The following SAMD3 variants were observed in gnomAD, a reference collection of about 807,000 sequenced individuals.
The protein encoded by SAMD3 is sterile alpha motif domain containing 3.
Under a neutral mutation model 58.5 loss-of-function variants are expected in SAMD3, and 63 were observed. The ratio of observed to expected loss-of-function variants is 1.08; its 90% CI spans 0.88 to 1.33. The LOEUF (loss-of-function observed/expected upper bound fraction) is 1.33, where lower values mean the gene tolerates loss of function less well. SAMD3 is among the 40% of genes most tolerant of loss of function. SAMD3 has a pLI of 0.00. For missense variants in SAMD3, 604 were observed against 608.4 expected (o/e 0.99, Z 0.08); for synonymous variants, 220 against 210.3 (o/e 1.05, Z -0.40).
At position 130,350,957 on chromosome 6, in the gene SAMD3, C is replaced by G. The variant is rs556751316; in HGVS notation, c.-304+14163G>C. On this transcript the variant is annotated intron_variant, in intron 1 of 13. Coordinates refer to the SAMD3 transcript ENST00000368134. ...ACCATCTGATCTTTGACAAACCCAT[C>G]AAAACCAAGCAATGGGGAAAGCATT... 9.5e-4 allele frequency among the ~76,000 whole-genome samples: 145 copies of G among 152,236 alleles called. 2 individuals carry two copies. In the South Asian group the frequency reaches 0.022, roughly 23 times the overall value.
intron 9 of SAMD3, among the ~76,000 whole-genome samples, chr6:130,153,011 A>T (rs1339107472): frequency 2.6e-5 from 4 of 152,198 alleles, no homozygotes; most frequent in African/African-American, 7.2e-5. Context: ...AGGCTACGAC[A>T]TTAGTGATCA....
At chr6:130,306,591 C>A (rs1218750539) in intron 2 of SAMD3, among the ~76,000 whole-genome samples, 1 of 152,212 alleles carries the variant, frequency 6.6e-6, no homozygotes, top group Non-Finnish European at 1.5e-5. Flanking sequence ...ATTCCACTAA[C>A]TGTCCAGTCT....
upstream of SAMD3, among the ~76,000 whole-genome samples, chr6:130,226,139 G>A (rs1159079642): frequency 2.6e-5 from 4 of 152,218 alleles, no homozygotes; most frequent in Non-Finnish European, 5.9e-5. Flanking sequence ...AGAGCCTGAT[G>A]GGCAGACTGG....
intron 4 of SAMD3, among the ~76,000 whole-genome samples, chr6:130,214,091 T>G (rs996118389): frequency 6.6e-6 from 1 of 152,196 alleles, no homozygotes; most frequent in African/African-American, 2.4e-5. Flanking sequence ...GCATTTTATA[T>G]AGAAACTCCT....
At chr6:130,327,109 TC>T (rs1261360787) in intron 1 of SAMD3, among the ~76,000 whole-genome samples, 1 of 152,200 alleles carries the variant, frequency 6.6e-6, no homozygotes, top group African/African-American at 2.4e-5. Context: ...TACCTTCCTT[TC>T]CTAGACTGTA....
At chr6:130,327,188 C>T (rs1006477898) in intron 1 of SAMD3, among the ~76,000 whole-genome samples, 1 of 151,938 alleles carries the variant, frequency 6.6e-6, no homozygotes, top group Non-Finnish European at 1.5e-5. Context: ...AGCTATAAAT[C>T]AATGAATTTT....
chr6:130,221,484 T>C (rs1352214497), intron 1 of SAMD3: 2 of 152,244 alleles, frequency 1.3e-5, no homozygotes, highest in East Asian at 3.8e-4. Flanking sequence ...TAGCCTACTA[T>C]TGATCAGAAT....
chr6:130,170,796 T>C (rs890282101), intron 8 of SAMD3, among the ~76,000 whole-genome samples: 1 of 152,214 alleles, frequency 6.6e-6, no homozygotes, highest in Non-Finnish European at 1.5e-5. Flanking sequence ...TGATTTTGTA[T>C]CCTGAGAATT....
intron 2 of SAMD3, among the ~76,000 whole-genome samples, chr6:130,296,144 G>A (rs1775563376): frequency 6.6e-6 from 1 of 152,172 alleles, no homozygotes; most frequent in Non-Finnish European, 1.5e-5. Context: ...ATGCCAAGAA[G>A]GTAAATGGGA....
At chr6:130,343,966 A>AAAAC (rs1554276942) in intron 1 of SAMD3, among the ~76,000 whole-genome samples, 2,230 of 145,626 alleles carry the variant, frequency 0.015, 43 homozygotes, top group African/African-American at 0.051. Flanking sequence ...CTCTGTCTTA[A>AAAAC]AAACAAACAA....
chr6:130,356,792 C>T (rs139286424), intron 1 of SAMD3, among the ~76,000 whole-genome samples: 1 of 152,238 alleles, frequency 6.6e-6, no homozygotes, highest in African/African-American at 2.4e-5. Context: ...TAGTAAGTTC[C>T]CATTTCTATG....
chr6:130,239,921 G>A (rs768795490), intron 2 of SAMD3, among the ~76,000 whole-genome samples: 1 of 152,180 alleles, frequency 6.6e-6, no homozygotes, highest in Non-Finnish European at 1.5e-5. Context: ...AATAGGAGGG[G>A]TGTGTCCAAG....
intron 2 of SAMD3, chr6:130,312,832 C>G (rs903597171): frequency 6.6e-6 from 1 of 152,072 alleles, no homozygotes; most frequent in Non-Finnish European, 1.5e-5. Flanking sequence ...GTTTGGGTCC[C>G]TGACTTTCAT....
chr6:130,267,609 G>C (rs1774406444), intron 2 of SAMD3, among the ~76,000 whole-genome samples: 1 of 152,164 alleles, frequency 6.6e-6, no homozygotes, highest in South Asian at 2.1e-4. Flanking sequence ...CTAGGAACCA[G>C]ACCCAAAACC....
intron 5 of SAMD3, among the ~76,000 whole-genome samples, chr6:130,205,136 C>T (rs1475786887): frequency 1.4e-5 from 2 of 141,734 alleles, no homozygotes; most frequent in Non-Finnish European, 1.5e-5. Flanking sequence ...GCTTATAGAG[C>T]CCTGGAGTTT....
intron 2 of SAMD3, among the ~76,000 whole-genome samples, chr6:130,272,681 G>A (rs1276356110): frequency 6.6e-6 from 1 of 152,130 alleles, no homozygotes; most frequent in Non-Finnish European, 1.5e-5. Context: ...TTTAGTTGGT[G>A]TACAACATTG....
chr6:130,308,390 A>ATTCTATTCTATTCT (rs1347386830), intron 2 of SAMD3, among the ~76,000 whole-genome samples: 172 of 144,402 alleles, frequency 1.2e-3, no homozygotes, highest in African/African-American at 1.4e-3. Flanking sequence ...ATTCTATTCT[A>ATTCTATTCTATTCT]TTCTATTCTA....
chr6:130,296,859 C>A (rs73609115), intron 2 of SAMD3, among the ~76,000 whole-genome samples: 25,637 of 152,082 alleles, frequency 0.17, 2,421 homozygotes, highest in East Asian at 0.36. Flanking sequence ...GGGTCATGAG[C>A]CCTATGACAG....
intron 1 of SAMD3, among the ~76,000 whole-genome samples, chr6:130,343,460 T>C (rs1777334105): frequency 6.6e-6 from 1 of 152,158 alleles, no homozygotes; most frequent in East Asian, 1.9e-4. Flanking sequence ...ATAGGCTCAA[T>C]TTTCTGTTAT....
Sources: allele counts gnomAD v4.1 joint callset (sites outside exome capture counted in the v4.1 genomes callset), GRCh38; gene constraint gnomAD v4.1.1; transcripts MANE v1.5; gene names NCBI Gene and HGNC (gene_info 2026-07-23, HGNC 2026-07-21).